Variants in XNDC1N observed in about 807,000 individuals in gnomAD.
The protein encoded by XNDC1N is protein XNDC1N.
At chr11:71,912,692 C>A in the XNDC1N span, among the ~76,000 whole-genome samples, 1 of 152,052 alleles carries the variant, frequency 6.6e-6, no homozygotes, top group Non-Finnish European at 1.5e-5. Context: ...ATGAACACCC[C>A]CTTTCATGTT....
At chr11:71,897,616 T>A in the XNDC1N span, among the ~76,000 whole-genome samples, 2 of 152,140 alleles carry the variant, frequency 1.3e-5, no homozygotes, top group Admixed American at 1.3e-4. Flanking sequence ...TCGGAGGGAA[T>A]GTAAAACCGT....
the XNDC1N span, among the ~76,000 whole-genome samples, chr11:71,886,151 A>G: frequency 6.6e-6 from 1 of 152,054 alleles, no homozygotes; most frequent in Non-Finnish European, 1.5e-5. Flanking sequence ...GTTTTTGGGT[A>G]CCAGCCCTTC....
the XNDC1N span, chr11:71,916,057 T>C: frequency 8.6e-6 from 6 of 695,900 alleles, no homozygotes; most frequent in African/African-American, 8.8e-5. Context: ...AAATCCTCAC[T>C]CCATCATCAT....
At chr11:71,927,687 T>G in the XNDC1N span, 6 of 152,112 alleles carry the variant, frequency 3.9e-5, no homozygotes, top group Admixed American at 2.0e-4. Context: ...GGCTTGAGAG[T>G]AGAAAAAACA....
At chr11:71,919,474 C>T in the XNDC1N span, among the ~76,000 whole-genome samples, 28 of 152,070 alleles carry the variant, frequency 1.8e-4, 1 homozygote, top group East Asian at 2.7e-3. Context: ...CTGCAACCTC[C>T]GCCTCCCGAA....
At chr11:71,907,475 C>G in the XNDC1N span, among the ~76,000 whole-genome samples, 1 of 46,868 alleles carries the variant, frequency 2.1e-5, no homozygotes, top group African/African-American at 3.6e-5. Context: ...CTCTTGCCCC[C>G]CCTGGCTCTT....
chr11:71,872,676 C>T, the XNDC1N span, among the ~76,000 whole-genome samples: 6 of 152,108 alleles, frequency 3.9e-5, no homozygotes, highest in South Asian at 2.1e-4. Context: ...TGCAGTGAGT[C>T]GAGATCGCGC....
At chr11:71,896,211 G>A in the XNDC1N span, among the ~76,000 whole-genome samples, 4 of 152,276 alleles carry the variant, frequency 2.6e-5, no homozygotes, top group Non-Finnish European at 4.4e-5. Flanking sequence ...CTCAGGAGGC[G>A]GAGCTTGCAG....
chr11:71,891,977 T>G, the XNDC1N span, among the ~76,000 whole-genome samples: 1 of 151,230 alleles, frequency 6.6e-6, no homozygotes, highest in East Asian at 2.0e-4. Context: ...CGGCGGGAGG[T>G]GGTACACCCC....
chr11:71,892,074 G>A, the XNDC1N span, among the ~76,000 whole-genome samples: 1 of 151,942 alleles, frequency 6.6e-6, no homozygotes, highest in African/African-American at 2.4e-5. Flanking sequence ...TGTGATATTG[G>A]AAGCAATATC....
chr11:71,869,175 A>G, the XNDC1N span, among the ~76,000 whole-genome samples: 1 of 152,040 alleles, frequency 6.6e-6, no homozygotes, highest in African/African-American at 2.4e-5. Flanking sequence ...TACACTAGGT[A>G]TATCTCCTAA....
At chr11:71,926,411 C>T in the XNDC1N span, among the ~76,000 whole-genome samples, 1 of 152,152 alleles carries the variant, frequency 6.6e-6, no homozygotes, top group Non-Finnish European at 1.5e-5. Context: ...GGTAATTACT[C>T]GTTTACCCTG....
chr11:71,912,629 A>C, the XNDC1N span, among the ~76,000 whole-genome samples: 4 of 152,128 alleles, frequency 2.6e-5, no homozygotes, highest in Non-Finnish European at 1.5e-5. Context: ...TATTTGGAGT[A>C]ATATTATCCT....
At chr11:71,907,378 C>T in the XNDC1N span, among the ~76,000 whole-genome samples, 1 of 151,582 alleles carries the variant, frequency 6.6e-6, no homozygotes, top group Non-Finnish European at 1.5e-5. Flanking sequence ...GGAGTAAGAG[C>T]CAGCCCCTCT....
the XNDC1N span, chr11:71,914,400 A>C: frequency 2.2e-6 from 1 of 456,032 alleles, no homozygotes; most frequent in East Asian, 7.0e-5. Flanking sequence ...ATAGTATGAG[A>C]ACTTGGCCAG....
the XNDC1N span, among the ~76,000 whole-genome samples, chr11:71,902,923 T>A: frequency 6.6e-6 from 1 of 152,354 alleles, no homozygotes; most frequent in African/African-American, 2.4e-5. Context: ...ACGATCTGGT[T>A]CTTGGAACGT....
At chr11:71,911,386 C>G in the XNDC1N span, among the ~76,000 whole-genome samples, 6 of 152,216 alleles carry the variant, frequency 3.9e-5, no homozygotes, top group Admixed American at 1.3e-4. Context: ...GGACTCAATT[C>G]ACTCTAGCAG....
the XNDC1N span, among the ~76,000 whole-genome samples, chr11:71,901,635 CACA>C: frequency 6.6e-6 from 1 of 151,812 alleles, no homozygotes; most frequent in Non-Finnish European, 1.5e-5. Context: ...CAAAAAAAAC[CACA>C]ACTTTTTGAG....
chr11:71,916,154 G>A, the XNDC1N span: 4 of 702,990 alleles, frequency 5.7e-6, no homozygotes, highest in Non-Finnish European at 1.0e-5. Flanking sequence ...CACACCCGTA[G>A]AAAGGCCAGG....
Sources: gnomAD v4.1 joint callset for allele counts (sites outside exome capture counted in the v4.1 genomes callset) on GRCh38, gnomAD v4.1.1 for gene constraint, MANE v1.5 for transcripts, NCBI Gene and HGNC (gene_info 2026-07-23, HGNC 2026-07-21) for gene names.